The following EDARADD variants were observed in gnomAD, a reference collection of about 807,000 sequenced individuals.
The protein encoded by EDARADD is EDAR associated via death domain.
In EDARADD, 20 loss-of-function variants were observed where a neutral mutation model predicts 25.6. That is an observed-to-expected ratio of 0.78 (90% CI 0.55 to 1.14). EDARADD has a LOEUF of 1.14. EDARADD is among the 50% of genes most tolerant of loss of function. The pLI is 0.00. For missense variants in EDARADD, 225 were observed against 270.1 expected (o/e 0.83, Z 1.17); for synonymous variants, 86 against 94.4 (o/e 0.91, Z 0.52).
At chr1:236,453,427 C>G (rs1251867434) in intron 4 of EDARADD, among the ~76,000 whole-genome samples, 1 of 152,052 alleles carries the variant, frequency 6.6e-6, no homozygotes, top group Non-Finnish European at 1.5e-5. Context: ...CAGGCGCGCA[C>G]CACCGTGCCA....
chr1:236,399,609 C>T (rs1296925516), intron 1 of EDARADD, among the ~76,000 whole-genome samples: 1 of 152,234 alleles, frequency 6.6e-6, no homozygotes, highest in East Asian at 1.9e-4. Context: ...CCCTGTGTCT[C>T]TCCCACTGAG....
At position 236,361,113 on chromosome 1, in the gene EDARADD, A is replaced by G. The variant is rs1022876754; in HGVS notation, c.-6+10274A>G. ...AACAAAGTGCACATATCTAAAGTAT[A>G]AAACTTGATAAATGTTCATGTATGT... On this transcript the variant is annotated intron_variant, in intron 3 of 7. Transcript: ENST00000439430. 3.3e-5 allele frequency among the ~76,000 whole-genome samples: 5 copies of G among 152,204 alleles called. No individual in the cohort carries two copies. In the East Asian group the frequency reaches 5.8e-4, roughly 18 times the overall value.
intron 4 of EDARADD, among the ~76,000 whole-genome samples, chr1:236,449,466 C>T (rs1367562454): frequency 1.3e-5 from 2 of 152,224 alleles, no homozygotes; most frequent in Non-Finnish European, 2.9e-5. Context: ...TCTTAGCATC[C>T]AGGGTATTGT....
rs1330750814 is a variant in EDARADD, at chr1:236,431,837, C to T, written c.219+4387C>T. 5.2e-5 allele frequency among the ~76,000 whole-genome samples: 4 copies of T among 76,990 alleles called. 1 individual carries two copies. The highest frequency in any genetic ancestry group is 7.3e-5 in the Non-Finnish European group (2 of 27,370). 50.5% of individuals were successfully genotyped at this position (76,990 alleles called of 152,430 possible). A position where few individuals can be genotyped will look rare whatever the true frequency, so the allele number is the denominator to read the frequency against. ...TCGGGAGGCTGAGGCAGGAGAATGG[C>T]GTGAACCCGGGAAGCGGAGCTTGCA... On this transcript the variant is annotated intron_variant, in intron 4 of 5. Coordinates refer to ENST00000334232, the MANE Select transcript of EDARADD (RefSeq NM_145861.4).
intron 1 of EDARADD, among the ~76,000 whole-genome samples, chr1:236,404,226 A>G (rs1316633052): frequency 6.6e-6 from 1 of 152,218 alleles, no homozygotes; most frequent in Admixed American, 6.5e-5. Context: ...AAGCTTCTAG[A>G]TAAACGATTT....
intron 1 of EDARADD, among the ~76,000 whole-genome samples, chr1:236,405,873 C>CTTTATTT (rs1558112787): frequency 1.7e-5 from 1 of 59,098 alleles, no homozygotes; most frequent in African/African-American, 7.3e-5. Context: ...TTCCTTCCTT[C>CTTTATTT]CTTCTTTCTT....
At chr1:236,432,394 G>GAA (rs5781880) in intron 4 of EDARADD, among the ~76,000 whole-genome samples, 5,832 of 138,008 alleles carry the variant, frequency 0.042, 405 homozygotes, top group African/African-American at 0.15. Context: ...GCCACCAAAA[G>GAA]AAAAAAAAAA....
At chr1:236,369,189 T>C (rs1339940406) in intron 3 of EDARADD, among the ~76,000 whole-genome samples, 2 of 152,210 alleles carry the variant, frequency 1.3e-5, no homozygotes, top group African/African-American at 4.8e-5. Flanking sequence ...ACTAGGTCTT[T>C]TGACCCTTCA....
At chr1:236,399,319 T>C (rs1224574898) in intron 1 of EDARADD, among the ~76,000 whole-genome samples, 2 of 152,246 alleles carry the variant, frequency 1.3e-5, no homozygotes, top group East Asian at 1.9e-4. Context: ...GTAGCTCGGA[T>C]TACAGGGGTG....
intron 3 of EDARADD, among the ~76,000 whole-genome samples, chr1:236,388,288 A>G (rs76513799): frequency 0.06 from 9,184 of 152,224 alleles, 470 homozygotes; most frequent in African/African-American, 0.14. Context: ...TTGTACCAAT[A>G]TTCAGTGTTT....
upstream of EDARADD, among the ~76,000 whole-genome samples, chr1:236,390,946 T>TATTATTATTATC (rs1370813585): frequency 2.7e-5 from 4 of 150,302 alleles, no homozygotes; most frequent in African/African-American, 7.3e-5. Context: ...GGTTAGTTGT[T>TATTATTATTATC]ATTATTATTA....
At chr1:236,406,026 G>A (rs539319556) in intron 1 of EDARADD, among the ~76,000 whole-genome samples, 1 of 150,354 alleles carries the variant, frequency 6.7e-6, no homozygotes, top group Non-Finnish European at 1.5e-5. Context: ...TGGTGTCAGA[G>A]CATTTAAAGC....
rs980635426 is a variant in EDARADD at position 236,483,986 on chromosome 1, C to A, written c.*1337C>A. On this transcript the variant is annotated 3_prime_UTR_variant, in exon 6 of 6. Coordinates refer to ENST00000334232, the MANE Select transcript of EDARADD (RefSeq NM_145861.4). ...ACCCCACCAGGTACATCTCACCTGA[C>A]TGTCTGGCTGACCTGTACAAGTCCT... 85 of 1,384,078 alleles carry A rather than the reference C, an allele frequency of 6.1e-5. No individual in the cohort carries two copies. Among genetic ancestry groups the A allele is most frequent in the Non-Finnish European group, 8.2e-5 (80 of 972,634 alleles). The allele number at this position is 1,384,078 out of a possible 1,614,324, so 85.7% of individuals were successfully genotyped here. A position where few individuals can be genotyped will look rare whatever the true frequency, so the allele number is the denominator to read the frequency against.
At chr1:236,375,335 T>C (rs975872300) in intron 3 of EDARADD, among the ~76,000 whole-genome samples, 1 of 152,170 alleles carries the variant, frequency 6.6e-6, no homozygotes, top group Non-Finnish European at 1.5e-5. Flanking sequence ...TTGAACAAAC[T>C]GTTATTGTTA....
chr1:236,405,894 T>TTTCTTTCA (rs1667721289), intron 1 of EDARADD, among the ~76,000 whole-genome samples: 1 of 42,532 alleles, frequency 2.4e-5, no homozygotes, highest in South Asian at 7.8e-4. Flanking sequence ...TCTTTCTTTC[T>TTTCTTTCA]TTCTTTCTTT....
intron 4 of EDARADD, among the ~76,000 whole-genome samples, chr1:236,427,817 T>G (rs1173562900): frequency 1.3e-5 from 2 of 152,126 alleles, no homozygotes; most frequent in African/African-American, 4.8e-5. Flanking sequence ...TTGTAATGCT[T>G]TATTAAACTT....
At chr1:236,439,487 G>A (rs1458449001) in intron 4 of EDARADD, among the ~76,000 whole-genome samples, 2 of 152,194 alleles carry the variant, frequency 1.3e-5, no homozygotes, top group Non-Finnish European at 2.9e-5. Flanking sequence ...GAGAGTTCCT[G>A]TTGCTCCACA....
chr1:236,410,860 G>A (rs539918952), intron 2 of EDARADD, among the ~76,000 whole-genome samples: 46 of 152,254 alleles, frequency 3.0e-4, no homozygotes, highest in African/African-American at 7.2e-4. Context: ...TGTAGACAGC[G>A]TAGGGGGTCA....
chr1:236,482,756 C>T lies in EDARADD; in HGVS notation c.*107C>T. 1.3e-6 allele frequency: 2 copies of T among 1,535,502 alleles called. No individual in the cohort carries two copies. Among genetic ancestry groups the T allele is most frequent in the African/African-American group, 2.7e-5 (2 of 73,546 alleles). ...AAGAGTTTAGGACAAGGACGTGGAA[C>T]AGTGGACACTGGTTTTCCCCAAAGC... is the stretch of plus-strand genomic sequence containing the variant. On this transcript the variant is annotated 3_prime_UTR_variant, in exon 6 of 6. Coordinates refer to ENST00000334232, the MANE Select transcript of EDARADD (RefSeq NM_145861.4).
Sources: allele counts gnomAD v4.1 joint callset (sites outside exome capture counted in the v4.1 genomes callset), GRCh38; gene constraint gnomAD v4.1.1; transcripts MANE v1.5; gene names NCBI Gene and HGNC (gene_info 2026-07-23, HGNC 2026-07-21).